The following MVB12B variants were observed in gnomAD, a reference collection of about 807,000 sequenced individuals.
MVB12B encodes ESCRT-I complex subunit MVB12B.
A neutral mutation model predicts 41.6 loss-of-function variants in MVB12B; 16 were observed. The ratio of observed to expected loss-of-function variants is 0.38; its 90% CI spans 0.26 to 0.58. The LOEUF (loss-of-function observed/expected upper bound fraction) is 0.58. Ranked by LOEUF, MVB12B falls within the 20% of genes least tolerant of loss-of-function variation. The probability of loss-of-function intolerance (pLI) is 0.62; values close to 1 mark genes in which losing one functional copy is unlikely to be tolerated. For missense variants in MVB12B, 274 were observed against 380.2 expected (o/e 0.72, Z 2.32); for synonymous variants, 133 against 139.7 (o/e 0.95, Z 0.34).
intron 9 of MVB12B, among the ~76,000 whole-genome samples, chr9:126,496,706 G>C (rs934818394): frequency 1.2e-4 from 18 of 152,246 alleles, no homozygotes; most frequent in African/African-American, 4.3e-4. Flanking sequence ...GGCTGGGAGA[G>C]GAGAGAGAAC....
At chr9:126,460,083 C>G (rs1291461447) in intron 7 of MVB12B, among the ~76,000 whole-genome samples, 1 of 152,138 alleles carries the variant, frequency 6.6e-6, no homozygotes, top group Non-Finnish European at 1.5e-5. Flanking sequence ...TGAGGGGGCC[C>G]CTAGGGGTCC....
At chr9:126,421,971 G>C (rs1832032935) in intron 7 of MVB12B, 23 bp downstream of exon 7, 1 of 1,560,750 alleles carries the variant, frequency 6.4e-7, no homozygotes, top group South Asian at 1.1e-5. Flanking sequence ...ACCGCTGCAG[G>C]CCAGCTACAG....
chr9:126,503,094 T>G, intron 9 of MVB12B, 83 bp from the exon 10 acceptor site: 1 of 1,262,068 alleles, frequency 7.9e-7, no homozygotes, highest in Non-Finnish European at 1.1e-6. Context: ...GGCCTCTGCC[T>G]GATCTTGATC....
chr9:126,499,376 CCCGGCGCTGCGCAGCTGGA>C (rs1329953478), intron 9 of MVB12B, among the ~76,000 whole-genome samples: 1 of 152,150 alleles, frequency 6.6e-6, no homozygotes, highest in Non-Finnish European at 1.5e-5. Flanking sequence ...AGGGCGCAGG[CCCGGCGCTGCGCAGCTGGA>C]CCGGGCTGTG....
At position 126,340,508 on chromosome 9, in the gene MVB12B, G is replaced by T; in HGVS notation, c.82G>T (p.Asp28Tyr). The change falls in exon 2 of 10, where the codon GAC becomes TAC. Residue 28 changes from aspartate (D) to tyrosine (Y), a missense_variant and splice_region_variant. Physicochemically the swap from Asp to Tyr is radical, Grantham distance 160 (BLOSUM62 -3). Coordinates refer to ENST00000361171, the MANE Select transcript of MVB12B (RefSeq NM_033446.3). This position sits in a 1 kb window ranked among gnomAD's most constrained non-coding sequence, Gnocchi z 4.0. ...PPPPPPQRGTDQSTMPEVKDL... is the reference protein window; with the variant it reads ...PPPPPPQRGTYQSTMPEVKDL... ...TTTTCTTTTTCCTTTGCTGAACCAG[G>T]ACCAGTCCACCATGCCTGAAGTCAA... is the stretch of plus-strand genomic sequence containing the variant. The T allele has an allele frequency of 1.2e-6, 2 of 1,613,896 alleles. No individual in the cohort carries two copies. Among genetic ancestry groups the T allele is most frequent in the South Asian group, 2.2e-5 (2 of 91,010 alleles).
In MVB12B at chr9:126,340,420, C is replaced by T. The variant is rs1217318345; in HGVS notation, c.82-88C>T. 2.0e-6 allele frequency: 3 copies of T among 1,510,678 alleles called. No individual in the cohort carries two copies. The African/African-American group carries it at 4.1e-5, about 21-fold the overall frequency. The allele number at this position is 1,510,678 out of a possible 1,614,324, so 93.6% of individuals were successfully genotyped here. ...TATGTGAAACTCAGGGTATTTGCCC[C>T]AAGATTCTGGTTCTGTTTGAGACTT... On this transcript the variant is annotated intron_variant, in intron 1 of 9. Coordinates refer to ENST00000361171, the MANE Select transcript of MVB12B (RefSeq NM_033446.3). The surrounding 1 kb of genome is among the most constrained non-coding windows in gnomAD (Gnocchi z 4.0).
chr9:126,421,797 C>T, intron 6 of MVB12B, 57 bp from the exon 7 acceptor site: 2 of 1,369,270 alleles, frequency 1.5e-6, no homozygotes, highest in African/African-American at 2.8e-5. Context: ...TCAGTGCTTC[C>T]TGAGTCTTGG....
Position 126,390,774 on chromosome 9 carries a change from C to T in MVB12B, c.410-1292C>T, listed in dbSNP as rs1830927630. Among the ~76,000 whole-genome samples, 3 of 152,100 alleles carry T rather than the reference C, an allele frequency of 2.0e-5. No homozygotes were observed. In the South Asian group the frequency reaches 6.2e-4, roughly 32 times the overall value. The stretch of plus-strand genomic sequence containing the variant: ...AGGAGTTCAAGACCAGCCTGACCAA[C>T]ATGGTGAAACACCATCTCTACTAAA... On this transcript the variant is annotated intron_variant, in intron 4 of 9. Coordinates refer to ENST00000361171, the MANE Select transcript of MVB12B (RefSeq NM_033446.3).
intron 2 of MVB12B, among the ~76,000 whole-genome samples, chr9:126,345,816 C>G (rs7859933): frequency 0.17 from 25,232 of 152,268 alleles, 2,710 homozygotes; most frequent in East Asian, 0.42. Context: ...TATACCCAGT[C>G]CCCCAACTTT....
intron 7 of MVB12B, among the ~76,000 whole-genome samples, chr9:126,476,045 C>G (rs1833411641): frequency 1.0e-5 from 1 of 96,980 alleles, no homozygotes; most frequent in Non-Finnish European, 2.8e-5. Context: ...TGCTGCTGGT[C>G]CAGTCAGGAG....
intron 7 of MVB12B, among the ~76,000 whole-genome samples, chr9:126,432,210 C>T (rs990856436): frequency 1.3e-5 from 2 of 152,202 alleles, no homozygotes; most frequent in Non-Finnish European, 2.9e-5. Context: ...ATGCCCATTT[C>T]CCCCTGATAA....
chr9:126,386,728 T>C lies in MVB12B; in HGVS notation c.409+70T>C. 8.6e-7 allele frequency: 1 copy of C among 1,168,100 alleles called. No homozygotes were observed. Among genetic ancestry groups the C allele is most frequent in the Non-Finnish European group, 1.3e-6 (1 of 788,372 alleles). 72.4% of individuals were successfully genotyped at this position (1,168,100 alleles called of 1,614,324 possible). A position where few individuals can be genotyped will look rare whatever the true frequency, so the allele number is the denominator to read the frequency against. On this transcript the variant is annotated intron_variant, in intron 4 of 9. Coordinates refer to ENST00000361171, the MANE Select transcript of MVB12B (RefSeq NM_033446.3). The surrounding 1 kb of genome is among the most constrained non-coding windows in gnomAD (Gnocchi z 4.3). ...CCTCCAGGTATATTTGTAGGTGTTT[T>C]TCTATGTGCATTTTTCTTCAGAAAC...
At chr9:126,408,907 A>AT (rs1298206319) in intron 6 of MVB12B, among the ~76,000 whole-genome samples, 17 of 152,080 alleles carry the variant, frequency 1.1e-4, no homozygotes, top group Non-Finnish European at 1.6e-4. Flanking sequence ...AAGAGTTCAC[A>AT]TTTTTTTGTC....
intron 7 of MVB12B, among the ~76,000 whole-genome samples, chr9:126,455,283 G>A (rs1040772962): frequency 1.3e-5 from 2 of 151,934 alleles, no homozygotes; most frequent in African/African-American, 4.8e-5. Flanking sequence ...CGCCTCCCGG[G>A]TTCAAGTGAT....
rs745503946 is a variant in MVB12B, at chr9:126,391,885, G to C, written c.410-181G>C. 2.0e-4 allele frequency among the ~76,000 whole-genome samples: 31 copies of C among 152,184 alleles called. No individual in the cohort carries two copies. The highest frequency in any genetic ancestry group is 3.7e-4 in the Non-Finnish European group (25 of 68,026). ...GTGTCTGGGTTGGGTCCCACATGCA[G>C]AGCAGGGTGACTGCAGCCCCGGGGA... On this transcript the variant is annotated intron_variant, in intron 4 of 9. Transcript: ENST00000361171. The surrounding 1 kb of genome is among the most constrained non-coding windows in gnomAD (Gnocchi z 4.4).
chr9:126,399,221 C>T (rs1308153899), intron 6 of MVB12B, among the ~76,000 whole-genome samples: 1 of 152,226 alleles, frequency 6.6e-6, no homozygotes, highest in Non-Finnish European at 1.5e-5. Context: ...TGCTTCATCT[C>T]ACATACAGAC....
chr9:126,470,225 A>C (rs761721226), intron 7 of MVB12B, among the ~76,000 whole-genome samples: 11 of 152,306 alleles, frequency 7.2e-5, no homozygotes, highest in Non-Finnish European at 1.6e-4. Context: ...AGACGTTTGG[A>C]GGGACAAAAG....
At chr9:126,399,410 G>T (rs1331112907) in intron 6 of MVB12B, among the ~76,000 whole-genome samples, 1 of 152,200 alleles carries the variant, frequency 6.6e-6, no homozygotes, top group Non-Finnish European at 1.5e-5. Context: ...CATCTCTGTG[G>T]CCCTCTTTGG....
chr9:126,332,530 TC>T (rs1221875890), intron 1 of MVB12B, among the ~76,000 whole-genome samples: 2 of 152,144 alleles, frequency 1.3e-5, no homozygotes, highest in Admixed American at 1.3e-4. Context: ...AATCTGGAAC[TC>T]CCTGGAAGTG....
Sources: allele counts gnomAD v4.1 joint callset (sites outside exome capture counted in the v4.1 genomes callset), GRCh38; gene constraint gnomAD v4.1.1; non-coding constraint Gnocchi (gnomAD v3.1); transcripts MANE v1.5; gene names NCBI Gene and HGNC (gene_info 2026-07-23, HGNC 2026-07-21).